Variants in PCGF2 observed in about 807,000 individuals in gnomAD.
The protein encoded by PCGF2 is polycomb group ring finger 2.
Under a neutral mutation model 36.1 loss-of-function variants are expected in PCGF2, and 8 were observed. That is an observed-to-expected ratio of 0.22 (90% confidence interval 0.13 to 0.40). The LOEUF (loss-of-function observed/expected upper bound fraction) is 0.40, where lower values mean the gene tolerates loss of function less well. Among genes scored for constraint, PCGF2 ranks in the 10% least tolerant of loss-of-function variants. The probability of loss-of-function intolerance (pLI) is 1.00; values close to 1 mark genes in which losing one functional copy is unlikely to be tolerated. For synonymous variants in PCGF2, 198 were observed against 191.2 expected, an observed-to-expected ratio of 1.04 and a Z score of -0.29; for missense variants, 436 against 475.9, an observed-to-expected ratio of 0.92 and a Z score of 0.78.
chr17:38,738,825 A>G lies in PCGF2; in HGVS notation c.353T>C (p.Leu118Ser). ...NGSNEDRGEV[L>S]EQEKGALSDD... is the part of the protein sequence containing the mutation. Reference sequence around the variant, plus strand: ...ACTCAGAGCCCCCTTCTCCTGCTCCAAGACCTCGCCGCGGTCCTCATTGGA... The same window carrying G: ...ACTCAGAGCCCCCTTCTCCTGCTCCGAGACCTCGCCGCGGTCCTCATTGGA... The change falls in exon 7 of 11, where the codon TTG becomes TCG. Residue 118 changes from leucine (L) to serine (S), a missense_variant. By Grantham distance (145) the Leu-to-Ser change is moderately radical. Coordinates refer to ENST00000620225, the MANE Select transcript of PCGF2 (RefSeq NM_007144.3). 2.5e-6 allele frequency: 4 copies of G among 1,614,112 alleles called. No homozygotes were observed. The highest frequency in any genetic ancestry group is 3.4e-6 in the Non-Finnish European group (4 of 1,179,986).
At position 38,734,934 on chromosome 17, in the gene PCGF2, A is replaced by C; in HGVS notation, c.*289T>G. On this transcript the variant is annotated 3_prime_UTR_variant, in exon 11 of 11. Transcript: ENST00000620225. ...ATCTCCAGGCACCCCCAAAAACAGC[A>C]AATTACACAAGACCCCCCCCAAAAA... 4 of 236,430 alleles carry C rather than the reference A, an allele frequency of 1.7e-5. No individual in the cohort carries two copies. The highest frequency in any genetic ancestry group is 2.4e-5 in the Non-Finnish European group (3 of 124,560). 14.6% of individuals were successfully genotyped at this position (236,430 alleles called of 1,614,324 possible). A position where few individuals can be genotyped will look rare whatever the true frequency, so the allele number is the denominator to read the frequency against.
chr17:38,736,837 A>AAAAC (rs1906798193), intron 9 of PCGF2, among the ~76,000 whole-genome samples: 7 of 151,606 alleles, frequency 4.6e-5, no homozygotes, highest in African/African-American at 1.2e-4. Flanking sequence ...CCGTCTCAAA[A>AAAAC]AAAACAAAAC....
chr17:38,738,024 A>T lies in PCGF2; in HGVS notation c.576+329T>A, dbSNP rs375381208. 5.9e-5 allele frequency among the ~76,000 whole-genome samples: 9 copies of T among 152,188 alleles called. No homozygotes were observed. In the East Asian group the frequency reaches 1.2e-3, roughly 20 times the overall value. On this transcript the variant is annotated intron_variant, in intron 9 of 10. Transcript: ENST00000620225. ...TCAAGCTTGAAAAGCTATGTCCTGG[A>T]GCTCCGTTGGAATTTCAGACTAGCC...
At chr17:38,749,271 C>T (rs906878751), upstream of PCGF2, 1 of 206,660 alleles carries the variant, frequency 4.8e-6, no homozygotes, top group African/African-American at 2.4e-5. This position sits in a 1 kb window ranked among gnomAD's most constrained non-coding sequence, Gnocchi z 6.5. Context: ...GCGCTGCGCG[C>T]TGCCTGTGCG....
Position 38,739,251 on chromosome 17 carries a change from G to A in PCGF2, c.212C>T (p.Ser71Phe), listed in dbSNP as rs1461367779. 6.2e-7 allele frequency: 1 copy of A among 1,613,752 alleles called. No homozygotes were observed. Among genetic ancestry groups the A allele is most frequent in the Non-Finnish European group, 8.5e-7 (1 of 1,179,868 alleles). The stretch of plus-strand genomic sequence containing the variant: ...GACAATGTCTTGAAGTGTTTTGTCA[G>A]ACCTGGGGAAAAATGGACAGGGCTT... ...HKTRPLLSIR[S>F]DKTLQDIVYK... Residue 71 changes from serine (S) to phenylalanine (F), a missense_variant and splice_region_variant, in exon 5 of 11, where the codon TCT becomes TTT. Transcript: ENST00000620225. This position sits in a 1 kb window ranked among gnomAD's most constrained non-coding sequence, Gnocchi z 4.0.
At chr17:38,749,549 T>A, upstream of PCGF2, 1 of 438,748 alleles carries the variant, frequency 2.3e-6, no homozygotes, top group South Asian at 1.6e-5. The surrounding 1 kb of genome is among the most constrained non-coding windows in gnomAD (Gnocchi z 6.5). Context: ...TTATTAGGGA[T>A]GGCGGCCGCG....
intron 10 of PCGF2, among the ~76,000 whole-genome samples, 167 bp from the exon 11 acceptor site, chr17:38,735,767 A>G (rs1906663036): frequency 6.6e-6 from 1 of 152,206 alleles, no homozygotes; most frequent in African/African-American, 2.4e-5. Flanking sequence ...ATGAAGACCC[A>G]GAGAGGGAAA....
intron 3 of PCGF2, among the ~76,000 whole-genome samples, chr17:38,740,041 A>C (rs1907074213): frequency 6.6e-6 from 1 of 152,242 alleles, no homozygotes; most frequent in African/African-American, 2.4e-5. Flanking sequence ...TCAGGGCATA[A>C]AATTTCAGCC....
rs1907064631 is a variant in PCGF2, at chr17:38,739,936, T to TG, written c.113-255dup. 6.6e-6 allele frequency among the ~76,000 whole-genome samples: 1 copy of TG among 152,046 alleles called. No individual in the cohort carries two copies. Among genetic ancestry groups the TG allele is most frequent in the South Asian group, 2.1e-4 (1 of 4,818 alleles). On this transcript the variant is annotated intron_variant, in intron 3 of 10. Transcript: ENST00000620225. This position sits in a 1 kb window ranked among gnomAD's most constrained non-coding sequence, Gnocchi z 4.0. ...CAGCCCTGAGTCCCAAGCTCCCCGA[T>TG]GGAGTGGGGGACAAAAGCCAGCGTG...
In PCGF2 at chr17:38,739,806, A is replaced by T. The variant is rs1387812792; in HGVS notation, c.113-124T>A. 2.7e-6 allele frequency: 2 copies of T among 727,766 alleles called. No homozygotes were observed. Among genetic ancestry groups the T allele is most frequent in the Non-Finnish European group, 2.5e-6 (1 of 402,408 alleles). 45.1% of individuals were successfully genotyped at this position (727,766 alleles called of 1,614,324 possible). A position where few individuals can be genotyped will look rare whatever the true frequency, so the allele number is the denominator to read the frequency against. On this transcript the variant is annotated intron_variant, in intron 3 of 10. Transcript: ENST00000620225. The surrounding 1 kb of genome is among the most constrained non-coding windows in gnomAD (Gnocchi z 4.0). ...CACCCTGTCCCTGCTCCGAGGCCCAATGTGGCGATGTGTGTTCTGCACGTG... is the reference window on the plus strand; with the variant it reads ...CACCCTGTCCCTGCTCCGAGGCCCATTGTGGCGATGTGTGTTCTGCACGTG...
rs1007332681 is a variant in PCGF2 at position 38,747,018 on chromosome 17, C to T, written c.-41+861G>A. Among the ~76,000 whole-genome samples the T allele has an allele frequency of 6.6e-5, 10 of 152,258 alleles. No individual in the cohort carries two copies. The East Asian group carries it at 1.2e-3, about 18-fold the overall frequency. On this transcript the variant is annotated intron_variant, in intron 2 of 10. Transcript: ENST00000620225. Reference sequence around the variant, plus strand: ...CGGGGAGGGGACAACCAGGAGACAGCCCTCCCCTCGAGACAGACCTCTGGG... The same window carrying T: ...CGGGGAGGGGACAACCAGGAGACAGTCCTCCCCTCGAGACAGACCTCTGGG...
intron 9 of PCGF2, among the ~76,000 whole-genome samples, chr17:38,737,837 G>T (rs1250756743): frequency 2.0e-5 from 3 of 150,932 alleles, no homozygotes; most frequent in African/African-American, 7.3e-5. Context: ...GCTTGAATCC[G>T]GTAGGCGGAG....
chr17:38,745,834 C>T (rs1907501866), intron 2 of PCGF2, among the ~76,000 whole-genome samples: 2 of 152,314 alleles, frequency 1.3e-5, no homozygotes, highest in South Asian at 2.1e-4. Flanking sequence ...GGACTCCTGC[C>T]TTGAGGCAGG....
At chr17:38,748,934 C>G (rs568342883), upstream of PCGF2, among the ~76,000 whole-genome samples, 1 of 152,170 alleles carries the variant, frequency 6.6e-6, no homozygotes, top group Non-Finnish European at 1.5e-5. Context: ...GGCGCTGGCC[C>G]CGAAAAGCGG....
intron 7 of PCGF2, 72 bp from the exon 8 acceptor site, chr17:38,738,667 A>G (rs1906955979): frequency 1.9e-6 from 3 of 1,546,032 alleles, no homozygotes; most frequent in Non-Finnish European, 2.7e-6. Flanking sequence ...TGATCCCTCA[A>G]TGGACACATC....
chr17:38,746,546 T>A (rs1907547260), intron 2 of PCGF2: 1 of 152,390 alleles, frequency 6.6e-6, no homozygotes, highest in Non-Finnish European at 1.5e-5. Context: ...GCTTCCAAAG[T>A]CCGCTCTGGG....
intron 2 of PCGF2, among the ~76,000 whole-genome samples, chr17:38,742,393 C>A (rs762486098): frequency 9.2e-5 from 14 of 152,220 alleles, no homozygotes; most frequent in Non-Finnish European, 2.1e-4. Context: ...CAGGATGAGT[C>A]TGGCCAGGAC....
rs142646536 is a variant in PCGF2 at position 38,741,576 on chromosome 17, C to T, written c.-40-1134G>A. 5.9e-5 allele frequency among the ~76,000 whole-genome samples: 9 copies of T among 152,230 alleles called. No homozygotes were observed. In the East Asian group the frequency reaches 1.4e-3, roughly 23 times the overall value. ...CACAGGCTACCCTAAGTTAGAAGGC[C>T]GCAGCCATCACTTGTGCTTCTGGCT... On this transcript the variant is annotated intron_variant, in intron 2 of 10. Transcript: ENST00000620225.
Position 38,739,314 on chromosome 17 carries a change from C to T in PCGF2, c.210-61G>A. The T allele has an allele frequency of 2.0e-6, 3 of 1,474,782 alleles. No individual in the cohort carries two copies. The highest frequency in any genetic ancestry group is 1.7e-5 in the Admixed American group (1 of 59,622). The allele number at this position is 1,474,782 out of a possible 1,614,324, so 91.4% of individuals were successfully genotyped here. On this transcript the variant is annotated intron_variant, in intron 4 of 10. Transcript: ENST00000620225. The surrounding 1 kb of genome is among the most constrained non-coding windows in gnomAD (Gnocchi z 4.0). ...TTCTCCAGAGCGCTCCGACCTCGCC[C>T]TGCTCTCCCAGCCAGGGTACCCCTC...
Sources: allele counts gnomAD v4.1 joint callset (sites outside exome capture counted in the v4.1 genomes callset), GRCh38; gene constraint gnomAD v4.1.1; non-coding constraint Gnocchi (gnomAD v3.1); transcripts MANE v1.5; gene names NCBI Gene and HGNC (gene_info 2026-07-23, HGNC 2026-07-21).